The following ZNRF1 variants were observed in gnomAD, a reference collection of about 807,000 sequenced individuals.
ZNRF1 encodes the protein zinc and ring finger 1.
Under a neutral mutation model 18.4 loss-of-function variants are expected in ZNRF1, and 3 were observed. The observed-to-expected ratio is 0.16, with a 90% CI of 0.07 to 0.42. The LOEUF (loss-of-function observed/expected upper bound fraction) is 0.42. Ranked by LOEUF, ZNRF1 falls within the 10% of genes least tolerant of loss-of-function variation. The probability of loss-of-function intolerance (pLI) is 0.99; values close to 1 mark genes in which losing one functional copy is unlikely to be tolerated. For missense variants in ZNRF1, 310 were observed against 329.8 expected (o/e 0.94, Z 0.47); for synonymous variants, 157 against 144.2 (o/e 1.09, Z -0.64).
chr16:75,110,992 C>T lies in ZNRF1; in HGVS notation c.*3292C>T, dbSNP rs1044189144. 6.6e-6 allele frequency: 1 copy of T among 152,264 alleles called. No individual in the cohort carries two copies. The highest frequency in any genetic ancestry group is 1.5e-5 in the Non-Finnish European group (1 of 68,104). 9.4% of individuals were successfully genotyped at this position (152,264 alleles called of 1,614,324 possible). A position where few individuals can be genotyped will look rare whatever the true frequency, so the allele number is the denominator to read the frequency against. On this transcript the variant is annotated 3_prime_UTR_variant, in exon 5 of 5. Coordinates refer to ENST00000335325, the MANE Select transcript of ZNRF1 (RefSeq NM_032268.5). ...GACAGAAACGTCACGGAGGAGTAGC[C>T]TCCAGGCTCAGGTTGGTGTAACTGC...
chr16:75,054,030 G>A (rs1225965298), intron 1 of ZNRF1, among the ~76,000 whole-genome samples: 4 of 152,198 alleles, frequency 2.6e-5, no homozygotes, highest in East Asian at 1.9e-4. Context: ...TAGGACTGAT[G>A]CCATTTGAGA....
Position 75,007,610 on chromosome 16 carries a change from C to G in ZNRF1, c.424+7515C>G, listed in dbSNP as rs747168935. Among the ~76,000 whole-genome samples, 69 of 152,230 alleles carry G rather than the reference C, an allele frequency of 4.5e-4. 1 individual carries two copies. Among genetic ancestry groups the G allele is most frequent in the Admixed American group, 3.0e-3 (46 of 15,294 alleles). On this transcript the variant is annotated intron_variant, in intron 1 of 4. Transcript: ENST00000335325. Reference sequence around the variant, plus strand: ...GCTCTCCTGATTTCTGTGAATGGTTCAGAAGGGTTCTTAAAGGTGCTCAGT... The same window carrying G: ...GCTCTCCTGATTTCTGTGAATGGTTGAGAAGGGTTCTTAAAGGTGCTCAGT...
Position 75,000,108 on chromosome 16 carries a change from G to T in ZNRF1, c.424+13G>T, listed in dbSNP as rs775815647. 3.8e-6 allele frequency: 6 copies of T among 1,594,462 alleles called. No individual in the cohort carries two copies. In the East Asian group the frequency reaches 1.4e-4, roughly 36 times the overall value. ...AGCTCGCATAGTGGTGAGTCCGCGG[G>T]TGGTGGAGGCCTCGGAGGGAGGGCG... On this transcript the variant is annotated intron_variant, in intron 1 of 4. Transcript: ENST00000335325.
intron 1 of ZNRF1, among the ~76,000 whole-genome samples, chr16:75,011,970 GAA>G (rs1380264100): frequency 2.6e-5 from 4 of 151,052 alleles, no homozygotes; most frequent in Admixed American, 1.3e-4. Context: ...AAATTTGTTT[GAA>G]AAAAAAATCT....
At chr16:75,028,916 C>A (rs757484331) in intron 1 of ZNRF1, among the ~76,000 whole-genome samples, 6 of 152,204 alleles carry the variant, frequency 3.9e-5, no homozygotes, top group Non-Finnish European at 8.8e-5. Context: ...ATCTCCTTTG[C>A]AGATTCCTCT....
intron 1 of ZNRF1, among the ~76,000 whole-genome samples, chr16:75,005,643 C>T (rs368458715): frequency 5.0e-4 from 76 of 152,304 alleles, no homozygotes; most frequent in South Asian, 3.1e-3. Flanking sequence ...CTCACCTGAA[C>T]CCTATATCTA....
chr16:75,075,774 G>T (rs1348741487), intron 1 of ZNRF1, among the ~76,000 whole-genome samples: 1 of 152,228 alleles, frequency 6.6e-6, no homozygotes, highest in East Asian at 1.9e-4. Context: ...TCACATGGCT[G>T]CTGAGTGCTC....
At chr16:75,051,531 T>C (rs12919300) in intron 1 of ZNRF1, among the ~76,000 whole-genome samples, 4 of 151,118 alleles carry the variant, frequency 2.6e-5, no homozygotes, top group South Asian at 2.1e-4. Flanking sequence ...TTTTTTTTTT[T>C]GGGGGGGACG....
chr16:75,075,012 C>T (rs2035920715), intron 1 of ZNRF1, among the ~76,000 whole-genome samples: 1 of 142,128 alleles, frequency 7.0e-6, no homozygotes, highest in South Asian at 2.2e-4. Flanking sequence ...CTGTTGAGTA[C>T]TTTGCCAACC....
At chr16:75,087,520 A>G (rs759353748) in intron 1 of ZNRF1, among the ~76,000 whole-genome samples, 1 of 152,186 alleles carries the variant, frequency 6.6e-6, no homozygotes, top group African/African-American at 2.4e-5. Flanking sequence ...TCTGATGACA[A>G]GAGAAAGAAA....
At chr16:75,086,276 G>A (rs2036073375) in intron 1 of ZNRF1, among the ~76,000 whole-genome samples, 1 of 152,186 alleles carries the variant, frequency 6.6e-6, no homozygotes, top group African/African-American at 2.4e-5. Context: ...CAACAGATAT[G>A]TTAACACACA....
At chr16:75,089,161 G>C (rs1215902994) in intron 1 of ZNRF1, among the ~76,000 whole-genome samples, 1 of 150,720 alleles carries the variant, frequency 6.6e-6, no homozygotes. Flanking sequence ...GGAGTGTAGT[G>C]GCATGATCAT....
chr16:75,106,814 G>T (rs972652672), intron 4 of ZNRF1: 1 of 455,680 alleles, frequency 2.2e-6, no homozygotes, highest in African/African-American at 2.0e-5. Context: ...ATCAGTTGGG[G>T]AAGAGACCAG....
chr16:75,053,773 C>T (rs1046756822), intron 1 of ZNRF1, among the ~76,000 whole-genome samples: 2 of 152,100 alleles, frequency 1.3e-5, no homozygotes, highest in African/African-American at 4.8e-5. Flanking sequence ...AATGTCTTTT[C>T]AGTTTGTACT....
At chr16:75,059,323 C>CT (rs2035713700) in intron 1 of ZNRF1, among the ~76,000 whole-genome samples, 1 of 132,910 alleles carries the variant, frequency 7.5e-6, no homozygotes, top group African/African-American at 2.8e-5. Context: ...TTTTGGCTCA[C>CT]TGCAACCTCC....
intron 1 of ZNRF1, among the ~76,000 whole-genome samples, chr16:75,010,721 T>G (rs200050608): frequency 1.7e-4 from 24 of 137,758 alleles, no homozygotes; most frequent in African/African-American, 6.5e-4. Flanking sequence ...GTTTTTTTGT[T>G]TTTTTTTTTT....
At chr16:75,055,597 A>G (rs2035657789) in intron 1 of ZNRF1, among the ~76,000 whole-genome samples, 1 of 152,136 alleles carries the variant, frequency 6.6e-6, no homozygotes, top group Non-Finnish European at 1.5e-5. Flanking sequence ...TCCTTTGCCC[A>G]CAGAGCATTG....
chr16:75,070,618 C>CT (rs2035859161), intron 1 of ZNRF1, among the ~76,000 whole-genome samples: 1 of 152,194 alleles, frequency 6.6e-6, no homozygotes, highest in Admixed American at 6.5e-5. Context: ...CATTCACAAA[C>CT]TAAGTACCTC....
intron 4 of ZNRF1, 90 bp downstream of exon 4, chr16:75,106,661 T>G: frequency 1.0e-6 from 1 of 998,040 alleles, no homozygotes; most frequent in Non-Finnish European, 1.5e-6. Flanking sequence ...GCTGCCCTTA[T>G]GCCACTGAGA....
Sources: allele counts gnomAD v4.1 joint callset (sites outside exome capture counted in the v4.1 genomes callset), GRCh38; gene constraint gnomAD v4.1.1; transcripts MANE v1.5; gene names NCBI Gene and HGNC (gene_info 2026-07-23, HGNC 2026-07-21).